GRIN2A: variants seen among roughly 807,000 people sequenced by gnomAD.
The protein encoded by GRIN2A is glutamate ionotropic receptor NMDA type subunit 2A, also known as glutamate receptor ionotropic, NMDA 2A.
A neutral mutation model predicts 113.4 loss-of-function variants in GRIN2A; 22 were observed. That is an observed-to-expected ratio of 0.19 (90% CI 0.14 to 0.28). The LOEUF (loss-of-function observed/expected upper bound fraction) is 0.28, where lower values mean the gene tolerates loss of function less well. Among genes scored for constraint, GRIN2A ranks in the 10% least tolerant of loss-of-function variants. The pLI is 1.00. For missense variants in GRIN2A, 1,502 were observed against 1,887.0 expected (o/e 0.80, Z 3.78); for synonymous variants, 827 against 738.4 (o/e 1.12, Z -1.94).
chr16:9,891,308 G>A (rs2043690990), intron 3 of GRIN2A, among the ~76,000 whole-genome samples: 1 of 152,102 alleles, frequency 6.6e-6, no homozygotes, highest in African/African-American at 2.4e-5. Context: ...ATTAACACGT[G>A]GAATGTAAGC....
At chr16:9,909,738 T>A (rs1217186493) in intron 3 of GRIN2A, among the ~76,000 whole-genome samples, 1 of 152,184 alleles carries the variant, frequency 6.6e-6, no homozygotes, top group Non-Finnish European at 1.5e-5. Context: ...AACTTTATTT[T>A]TAGAATTAGA....
intron 11 of GRIN2A, among the ~76,000 whole-genome samples, chr16:9,779,449 G>A (rs1901808238): frequency 6.6e-6 from 1 of 152,108 alleles, no homozygotes; most frequent in Non-Finnish European, 1.5e-5. Flanking sequence ...CCATTGCTTA[G>A]TATACACAAG....
At chr16:9,795,046 G>T (rs1902889466) in intron 11 of GRIN2A, among the ~76,000 whole-genome samples, 1 of 152,036 alleles carries the variant, frequency 6.6e-6, no homozygotes, top group Non-Finnish European at 1.5e-5. Flanking sequence ...GATGGTGGTG[G>T]TGATGATAAT....
intron 3 of GRIN2A, among the ~76,000 whole-genome samples, chr16:9,894,907 G>T (rs1157156029): frequency 6.6e-6 from 1 of 151,964 alleles, no homozygotes; most frequent in African/African-American, 2.4e-5. Flanking sequence ...ACATTTACCT[G>T]TCCATTCATC....
chr16:9,990,485 A>G (rs527255338), intron 2 of GRIN2A, among the ~76,000 whole-genome samples: 1 of 151,998 alleles, frequency 6.6e-6, no homozygotes, highest in African/African-American at 2.4e-5. Context: ...AAACTTCAGC[A>G]TTACATAATA....
chr16:10,087,605 C>G (rs2048107685), intron 2 of GRIN2A, among the ~76,000 whole-genome samples: 1 of 152,192 alleles, frequency 6.6e-6, no homozygotes, highest in African/African-American at 2.4e-5. Flanking sequence ...GTAGCATGAA[C>G]CTGCTTAAAC....
chr16:9,843,721 C>G (rs11648156), intron 5 of GRIN2A, among the ~76,000 whole-genome samples: 57,259 of 152,020 alleles, frequency 0.38, 12,334 homozygotes, highest in African/African-American at 0.59. Context: ...GACCTGCTGT[C>G]ATCCACCACC....
intron 2 of GRIN2A, among the ~76,000 whole-genome samples, chr16:9,977,602 A>T (rs1368741254): frequency 6.6e-6 from 1 of 152,212 alleles, no homozygotes; most frequent in Admixed American, 6.5e-5. Flanking sequence ...TGGAAGGCAG[A>T]GCTCAAGCAA....
chr16:9,945,730 G>C (rs2045003556), intron 2 of GRIN2A, among the ~76,000 whole-genome samples: 1 of 152,192 alleles, frequency 6.6e-6, no homozygotes, highest in African/African-American at 2.4e-5. Context: ...ACATAGAGGG[G>C]TTGCTGCTGA....
At chr16:10,108,151 A>T (rs2048533234) in intron 2 of GRIN2A, among the ~76,000 whole-genome samples, 1 of 152,196 alleles carries the variant, frequency 6.6e-6, no homozygotes, top group Admixed American at 6.5e-5. Context: ...TGGGAAGAAA[A>T]AGAGGTTTAA....
chr16:10,012,579 A>G (rs2046527287), intron 2 of GRIN2A, among the ~76,000 whole-genome samples: 2 of 152,180 alleles, frequency 1.3e-5, no homozygotes. Flanking sequence ...CCATGTCCTA[A>G]TCCCTGGAAC....
At chr16:10,133,386 T>A (rs1039086108) in intron 2 of GRIN2A, among the ~76,000 whole-genome samples, 1 of 152,088 alleles carries the variant, frequency 6.6e-6, no homozygotes, top group Non-Finnish European at 1.5e-5. Context: ...GGCGGGTGGA[T>A]CACCTGAGGT....
At position 9,860,349 on chromosome 16, in the gene GRIN2A, G is replaced by A. The variant is rs113418059; in HGVS notation, c.1123-10388C>T. 7.3e-3 allele frequency among the ~76,000 whole-genome samples: 1,075 copies of A among 148,062 alleles called. 10 individuals are homozygous for A. Among genetic ancestry groups the A allele is most frequent in the African/African-American group, 0.022 (862 of 39,950 alleles). On this transcript the variant is annotated intron_variant, in intron 4 of 12. Transcript: ENST00000330684. ...TGTAATCCCAGCTACTCGGGAAGTT[G>A]AGGCATGAGAATCACTTGAACCCAG... is the stretch of plus-strand genomic sequence containing the variant.
At chr16:10,172,787 G>T (rs2050068753) in intron 2 of GRIN2A, among the ~76,000 whole-genome samples, 1 of 152,212 alleles carries the variant, frequency 6.6e-6, no homozygotes. Context: ...GAAGTTGAAA[G>T]ATCAAGGATG....
intron 2 of GRIN2A, among the ~76,000 whole-genome samples, chr16:10,079,160 G>C (rs2047933575): frequency 6.6e-6 from 1 of 152,182 alleles, no homozygotes; most frequent in Non-Finnish European, 1.5e-5. Context: ...AGATACACAA[G>C]GCCTGTGCCT....
rs771962690 is a variant in GRIN2A at position 9,938,444 on chromosome 16, G to A, written c.522C>T (p.Thr174=). 1.9e-6 allele frequency: 3 copies of A among 1,613,692 alleles called. No homozygotes were observed. The highest frequency in any genetic ancestry group is 8.5e-7 in the Non-Finnish European group (1 of 1,179,856). The change falls in exon 3 of 13, where the codon ACC becomes ACT. Residue 174 remains threonine, a synonymous_variant. Transcript: ENST00000330684. ...DYDWHVFSLV[T]TIFPGYREFI... The stretch of plus-strand genomic sequence containing the variant: ...ATTCCCTGTAGCCAGGGAAGATAGT[G>A]GTCACCAGGGAGAAGACATGCCAGT...
rs190886390 is a variant in GRIN2A at position 9,879,476 on chromosome 16, T to C, written c.1122+11510A>G. Reference sequence around the variant, plus strand: ...TCTGCCAGAGAATCAGTGCAGCCAATGCCATGGCTTTCAGTTCTGTTTCTG... The same window carrying C: ...TCTGCCAGAGAATCAGTGCAGCCAACGCCATGGCTTTCAGTTCTGTTTCTG... On this transcript the variant is annotated intron_variant, in intron 4 of 12. Transcript: ENST00000330684. Among the ~76,000 whole-genome samples the C allele has an allele frequency of 2.2e-3, 335 of 152,314 alleles. 1 individual carries two copies. Among genetic ancestry groups the C allele is most frequent in the African/African-American group, 7.7e-3 (321 of 41,560 alleles).
chr16:9,766,503 C>G (rs1205241169), intron 12 of GRIN2A, among the ~76,000 whole-genome samples: 1 of 152,216 alleles, frequency 6.6e-6, no homozygotes, highest in Non-Finnish European at 1.5e-5. Context: ...CCCTGAGGCT[C>G]AGGGCACTGG....
At chr16:9,896,513 G>A (rs2043810577) in intron 3 of GRIN2A, among the ~76,000 whole-genome samples, 1 of 152,174 alleles carries the variant, frequency 6.6e-6, no homozygotes, top group African/African-American at 2.4e-5. Context: ...AGTGATTACT[G>A]AGACGCAAAC....
Sources: allele counts gnomAD v4.1 joint callset (sites outside exome capture counted in the v4.1 genomes callset), GRCh38; gene constraint gnomAD v4.1.1; transcripts MANE v1.5; gene names NCBI Gene and HGNC (gene_info 2026-07-23, HGNC 2026-07-21).